SEMA3C: variants seen among roughly 807,000 people sequenced by gnomAD.
SEMA3C encodes the protein semaphorin-3C.
In SEMA3C, 47 loss-of-function variants were observed where a neutral mutation model predicts 89.4. The ratio of observed to expected loss-of-function variants is 0.53; its 90% confidence interval spans 0.42 to 0.67. The LOEUF is 0.67. Ranked by LOEUF, SEMA3C falls within the 30% of genes least tolerant of loss-of-function variation. SEMA3C has a pLI of 0.00. For synonymous variants in SEMA3C, 310 were observed against 320.2 expected (o/e 0.97, Z 0.34); for missense variants, 839 against 929.1 (o/e 0.90, Z 1.26).
intron 2 of SEMA3C, among the ~76,000 whole-genome samples, chr7:80,861,688 G>T (rs191159022): frequency 6.6e-6 from 1 of 152,072 alleles, no homozygotes; most frequent in Admixed American, 6.6e-5. Context: ...ATATTTTTGC[G>T]TAAGTATTCT....
At position 80,912,710 on chromosome 7, in the gene SEMA3C, A is replaced by G. The variant is rs560783858; in HGVS notation, c.103+3969T>C. ...CATAACACACACCTGAGAACTAAAT[A>G]CTTCTCAGTAACACAAACCTGAGAA... On this transcript the variant is annotated intron_variant, in intron 2 of 17. Coordinates refer to ENST00000265361, the MANE Select transcript of SEMA3C (RefSeq NM_006379.5). Among the ~76,000 whole-genome samples, 3 of 152,344 alleles carry G rather than the reference A, an allele frequency of 2.0e-5. No homozygotes were observed. In the South Asian group the frequency reaches 6.2e-4, roughly 32 times the overall value.
intron 2 of SEMA3C, among the ~76,000 whole-genome samples, chr7:80,871,847 TATC>T (rs1400859936): frequency 6.6e-6 from 1 of 152,200 alleles, no homozygotes; most frequent in Non-Finnish European, 1.5e-5. Context: ...GTTTATTATT[TATC>T]ATAGTAGAAA....
At chr7:80,769,889 C>A (rs199807420) in intron 12 of SEMA3C, among the ~76,000 whole-genome samples, 29 of 114,888 alleles carry the variant, frequency 2.5e-4, no homozygotes, top group Middle Eastern at 5.3e-3. Flanking sequence ...AAAAAAAAAA[C>A]CACAATACAA....
intron 5 of SEMA3C, among the ~76,000 whole-genome samples, 166 bp from the exon 6 acceptor site, chr7:80,810,867 T>C (rs927437585): frequency 2.0e-5 from 3 of 152,180 alleles, no homozygotes; most frequent in Admixed American, 6.5e-5. Flanking sequence ...ATGAGAAGAA[T>C]CGATCTGTAA....
At chr7:80,767,875 A>G (rs1395603266) in intron 12 of SEMA3C, among the ~76,000 whole-genome samples, 1 of 152,190 alleles carries the variant, frequency 6.6e-6, no homozygotes, top group Non-Finnish European at 1.5e-5. Flanking sequence ...TCTCATGTTT[A>G]TAGTTTGTGT....
rs1787868313 is a variant in SEMA3C at position 80,749,158 on chromosome 7, A to T, written c.1712-130T>A. On this transcript the variant is annotated intron_variant, in intron 16 of 17. Transcript: ENST00000265361. ...TTGTGAACAACTATCGCAGCCAGCA[A>T]AAAACAGTGGTAATCATTTAACAAG... The T allele has an allele frequency of 5.3e-6, 5 of 934,912 alleles. No individual in the cohort carries two copies. The East Asian group carries it at 1.5e-4, about 28-fold the overall frequency. The allele number at this position is 934,912 out of a possible 1,614,324, so 57.9% of individuals were successfully genotyped here.
chr7:80,830,581 A>G (rs968920058), intron 2 of SEMA3C, among the ~76,000 whole-genome samples: 2 of 152,144 alleles, frequency 1.3e-5, no homozygotes, highest in African/African-American at 2.4e-5. Context: ...GGAAAAAACA[A>G]TCAAGAGGTT....
At chr7:80,886,365 T>C (rs1043459272) in intron 2 of SEMA3C, among the ~76,000 whole-genome samples, 1 of 151,828 alleles carries the variant, frequency 6.6e-6, no homozygotes, top group Non-Finnish European at 1.5e-5. Context: ...CTTTTTTTTT[T>C]TTTTTGGAGA....
chr7:80,775,238 TG>T (rs1788520988), intron 12 of SEMA3C, among the ~76,000 whole-genome samples: 1 of 152,092 alleles, frequency 6.6e-6, no homozygotes, highest in Non-Finnish European at 1.5e-5. Flanking sequence ...TGGTACAAAA[TG>T]GAAACTCCAA....
intron 12 of SEMA3C, among the ~76,000 whole-genome samples, chr7:80,775,125 T>A (rs1015074785): frequency 5.9e-5 from 9 of 152,060 alleles, no homozygotes; most frequent in Non-Finnish European, 1.0e-4. Flanking sequence ...AATACTCTTT[T>A]AAAAAAAGTG....
chr7:80,771,232 TGTA>T (rs1262910932), intron 12 of SEMA3C, among the ~76,000 whole-genome samples: 3 of 152,210 alleles, frequency 2.0e-5, no homozygotes, highest in Non-Finnish European at 4.4e-5. Flanking sequence ...TTGACACAAT[TGTA>T]GTCACTTTCT....
In SEMA3C at chr7:80,918,995, G is replaced by T. The variant is rs1355474496; in HGVS notation, c.-206C>A. ...TTCTTTGTAAAGGAATCTCAGCGCTGCAGTGCCGCGGCACCCGGAGCTCTT... is the reference window on the plus strand; with the variant it reads ...TTCTTTGTAAAGGAATCTCAGCGCTTCAGTGCCGCGGCACCCGGAGCTCTT... On this transcript the variant is annotated 5_prime_UTR_variant, in exon 1 of 18. Transcript: ENST00000265361. The T allele has an allele frequency of 4.1e-6, 4 of 985,230 alleles. No individual in the cohort carries two copies. The highest frequency in any genetic ancestry group is 3.6e-6 in the Non-Finnish European group (3 of 829,910). The allele number at this position is 985,230 out of a possible 1,614,324, so 61.0% of individuals were successfully genotyped here. A position where few individuals can be genotyped will look rare whatever the true frequency, so the allele number is the denominator to read the frequency against.
At chr7:80,821,282 G>GT (rs1789739797) in intron 4 of SEMA3C, among the ~76,000 whole-genome samples, 1 of 152,086 alleles carries the variant, frequency 6.6e-6, no homozygotes, top group African/African-American at 2.4e-5. Flanking sequence ...ATAAACTTGA[G>GT]TTTTTTAAAA....
intron 2 of SEMA3C, among the ~76,000 whole-genome samples, chr7:80,852,645 T>C (rs2115944797): frequency 6.6e-6 from 1 of 150,790 alleles, no homozygotes; most frequent in East Asian, 2.0e-4. Flanking sequence ...TACCTAATAA[T>C]CCAATTTTAA....
intron 2 of SEMA3C, among the ~76,000 whole-genome samples, chr7:80,895,784 C>T (rs1388690531): frequency 6.6e-6 from 1 of 151,984 alleles, no homozygotes; most frequent in Non-Finnish European, 1.5e-5. Context: ...TTTAAAATAT[C>T]TCTGGGATCT....
At chr7:80,788,578 T>A (rs1426037011) in intron 12 of SEMA3C, among the ~76,000 whole-genome samples, 1 of 152,206 alleles carries the variant, frequency 6.6e-6, no homozygotes, top group East Asian at 1.9e-4. Flanking sequence ...CACTGCTCTA[T>A]AACATACAAT....
At chr7:80,919,375 G>C (rs550456906), upstream of SEMA3C, 53 of 985,352 alleles carry the variant, frequency 5.4e-5, no homozygotes, top group African/African-American at 8.5e-4. Flanking sequence ...CAACTTGCTG[G>C]GTGCGCTCCA....
intron 12 of SEMA3C, among the ~76,000 whole-genome samples, chr7:80,783,530 C>G (rs1429079567): frequency 6.6e-6 from 1 of 152,150 alleles, no homozygotes; most frequent in Non-Finnish European, 1.5e-5. Flanking sequence ...GCAAAGGAGA[C>G]GTCTAGACAT....
chr7:80,753,144 A>G (rs973193414), intron 15 of SEMA3C, among the ~76,000 whole-genome samples: 2 of 152,196 alleles, frequency 1.3e-5, no homozygotes, highest in African/African-American at 4.8e-5. Flanking sequence ...TTCCTTTTCC[A>G]AAGTCACGTG....
Sources: allele counts gnomAD v4.1 joint callset (sites outside exome capture counted in the v4.1 genomes callset), GRCh38; gene constraint gnomAD v4.1.1; transcripts MANE v1.5; gene names NCBI Gene and HGNC (gene_info 2026-07-23, HGNC 2026-07-21).